The following KLHL13 variants were observed in gnomAD, a reference collection of about 807,000 sequenced individuals.
KLHL13 encodes kelch like family member 13, also known as kelch-like protein 13.
KLHL13 carries 10 observed loss-of-function variants against 37.1 expected under a neutral mutation model. The ratio of observed to expected loss-of-function variants is 0.27; its 90% confidence interval spans 0.17 to 0.46. The LOEUF is 0.46. KLHL13 is among the 20% of genes least tolerant of loss of function. KLHL13 has a pLI of 1.00. For synonymous variants in KLHL13, 163 were observed against 181.2 expected, an observed-to-expected ratio of 0.90 and a Z score of 0.81; for missense variants, 360 against 509.3, an observed-to-expected ratio of 0.71 and a Z score of 2.82.
intron 1 of KLHL13, among the ~76,000 whole-genome samples, chrX:117,988,224 G>A (rs748503668): frequency 8.9e-6 from 1 of 112,099 alleles, no homozygotes; most frequent in Non-Finnish European, 1.9e-5. Context: ...AAGGCAGAAA[G>A]GGAGGAGGGG....
At chrX:117,938,735 G>A (rs756078982) in intron 2 of KLHL13, among the ~76,000 whole-genome samples, 2 of 110,797 alleles carry the variant, frequency 1.8e-5, no homozygotes, top group African/African-American at 6.6e-5. Flanking sequence ...TTTCTTTAGC[G>A]AGAGCACTTT....
intron 1 of KLHL13, among the ~76,000 whole-genome samples, chrX:118,102,053 G>A (rs2055295221): frequency 8.9e-6 from 1 of 111,795 alleles, no homozygotes. Context: ...GGAAGTCCAA[G>A]TAGTCCCCAT....
chrX:118,052,201 C>A (rs2054621357), intron 1 of KLHL13, among the ~76,000 whole-genome samples: 1 of 110,710 alleles, frequency 9.0e-6, no homozygotes, highest in African/African-American at 3.3e-5. Context: ...TTAAATATTG[C>A]AATATGAAAA....
At chrX:117,975,177 T>TACACAC (rs760035096), upstream of KLHL13, among the ~76,000 whole-genome samples, 146 of 103,288 alleles carry the variant, frequency 1.4e-3, 1 homozygote, top group African/African-American at 4.8e-3. Context: ...GAGAAATACA[T>TACACAC]ACACACACAC....
At chrX:118,083,180 C>T (rs1314422337) in intron 1 of KLHL13, among the ~76,000 whole-genome samples, 2 of 111,737 alleles carry the variant, frequency 1.8e-5, no homozygotes, top group Non-Finnish European at 3.8e-5. Flanking sequence ...ATATAGACAA[C>T]TGTATGGAGG....
exon 7 of KLHL13, chrX:117,898,988 G>A (rs1929912737): frequency 1.7e-6 from 2 of 1,210,876 alleles, no homozygotes; most frequent in Non-Finnish European, 2.2e-6. Context: ...GTGCAAGCAC[G>A]AATGCCACCA....
intron 2 of KLHL13, 41 bp downstream of exon 3, chrX:117,945,393 T>C: frequency 8.5e-7 from 1 of 1,172,446 alleles, no homozygotes; most frequent in Non-Finnish European, 1.2e-6. Context: ...GTGGGTTTTT[T>C]AAAGCTACGT....
At chrX:117,970,397 GATTT>G (rs1478363582) in intron 1 of KLHL13, among the ~76,000 whole-genome samples, 4 of 111,164 alleles carry the variant, frequency 3.6e-5, no homozygotes, top group Non-Finnish European at 7.6e-5. Context: ...TATATATCAC[GATTT>G]ATTGAGGAGT....
intron 1 of KLHL13, among the ~76,000 whole-genome samples, chrX:118,092,125 TG>T (rs1012012536): frequency 9.0e-6 from 1 of 111,632 alleles, no homozygotes; most frequent in Non-Finnish European, 1.9e-5. Context: ...GCTTGAGTGA[TG>T]GGTGCAACAG....
intron 1 of KLHL13, among the ~76,000 whole-genome samples, chrX:118,053,792 TGTGTGTGA>T (rs1311651641): frequency 3.0e-5 from 2 of 66,914 alleles, no homozygotes; most frequent in African/African-American, 1.4e-4. Flanking sequence ...TGTGTGTGTG[TGTGTGTGA>T]GAGAGAGAGA....
chrX:117,921,993 C>T (rs760952816), intron 2 of KLHL13, among the ~76,000 whole-genome samples: 141 of 112,035 alleles, frequency 1.3e-3, no homozygotes, highest in African/African-American at 4.5e-3. Flanking sequence ...TTCACAAATG[C>T]CCCTTTTTCT....
intron 2 of KLHL13, among the ~76,000 whole-genome samples, chrX:117,931,613 C>A (rs1395024728): frequency 8.9e-6 from 1 of 112,104 alleles, no homozygotes; most frequent in African/African-American, 3.2e-5. Context: ...TATCTTTTAG[C>A]CTTTGCTAAT....
chrX:118,079,641 A>G (rs1485116949), intron 1 of KLHL13, among the ~76,000 whole-genome samples: 1 of 111,187 alleles, frequency 9.0e-6, no homozygotes, highest in Non-Finnish European at 1.9e-5. Context: ...GAAATGAAAG[A>G]CAACACAAAT....
intron 2 of KLHL13, among the ~76,000 whole-genome samples, chrX:117,937,130 T>G (rs1932788357): frequency 8.9e-6 from 1 of 111,878 alleles, no homozygotes; most frequent in Admixed American, 9.5e-5. Flanking sequence ...TATTGCTAAT[T>G]TTAAAACAAT....
chrX:117,967,934 T>C (rs747885656), intron 1 of KLHL13, among the ~76,000 whole-genome samples: 1 of 111,420 alleles, frequency 9.0e-6, no homozygotes, highest in South Asian at 3.8e-4. Context: ...GTGTGAATCC[T>C]ATAATTAAAA....
chrX:118,026,905 T>A (rs2148022394), intron 1 of KLHL13, among the ~76,000 whole-genome samples: 1 of 111,817 alleles, frequency 8.9e-6, no homozygotes, highest in East Asian at 2.8e-4. Flanking sequence ...ACAAGTAGGA[T>A]CAAGATCCTG....
At chrX:118,017,959 C>A (rs989634011) in intron 1 of KLHL13, among the ~76,000 whole-genome samples, 1 of 111,261 alleles carries the variant, frequency 9.0e-6, no homozygotes, top group African/African-American at 3.3e-5. Flanking sequence ...AAAATACCGC[C>A]ACAACAACAA....
chrX:117,955,336 G>A (rs1233663476), intron 1 of KLHL13, among the ~76,000 whole-genome samples: 1 of 111,301 alleles, frequency 9.0e-6, no homozygotes, highest in Non-Finnish European at 1.9e-5. Flanking sequence ...CTTTTAAGGG[G>A]AAACATGAAA....
chrX:118,041,767 A>G lies in KLHL13; in HGVS notation c.-56+74741T>C, dbSNP rs974259014. 1.4e-4 allele frequency among the ~76,000 whole-genome samples: 16 copies of G among 111,721 alleles called. No homozygotes were observed. In the Middle Eastern group the frequency reaches 0.019, roughly 130 times the overall value. On this transcript the variant is annotated intron_variant, in intron 1 of 6. Coordinates refer to the KLHL13 transcript ENST00000371882. ...AAAAAATTAACATATACAACCAGAG[A>G]AAATTATTTTCACTAAAGGAAGACA...
Sources: gnomAD v4.1 joint callset for allele counts (sites outside exome capture counted in the v4.1 genomes callset) on GRCh38, gnomAD v4.1.1 for gene constraint, MANE v1.5 for transcripts, NCBI Gene and HGNC (gene_info 2026-07-23, HGNC 2026-07-21) for gene names.